STK3: variants seen among roughly 807,000 people sequenced by gnomAD.
STK3 encodes serine/threonine kinase 3.
A neutral mutation model predicts 58.0 loss-of-function variants in STK3; 41 were observed. The ratio of observed to expected loss-of-function variants is 0.71; its 90% CI spans 0.55 to 0.92. The LOEUF is 0.92. Ranked by LOEUF, STK3 falls within the 40% of genes least tolerant of loss-of-function variation. STK3 has a pLI of 0.00. For synonymous variants in STK3, 170 were observed against 191.0 expected (o/e 0.89, Z 0.91); for missense variants, 479 against 602.7 (o/e 0.79, Z 2.15).
intron 1 of STK3, among the ~76,000 whole-genome samples, chr8:98,806,792 TCAC>T (rs1833908048): frequency 6.6e-6 from 1 of 151,990 alleles, no homozygotes; most frequent in Non-Finnish European, 1.5e-5. Context: ...GAGGAAAGAA[TCAC>T]ACACCAAATG....
chr8:98,506,297 A>C (rs893201728), intron 10 of STK3, among the ~76,000 whole-genome samples: 1 of 152,190 alleles, frequency 6.6e-6, no homozygotes, highest in African/African-American at 2.4e-5. Flanking sequence ...TTCCAGGTAC[A>C]GTCTGTCACG....
chr8:98,893,486 G>GAAAGAGAAAGAAAGAA (rs776247646), intron 1 of STK3, among the ~76,000 whole-genome samples: 14 of 43,008 alleles, frequency 3.3e-4, no homozygotes, highest in Non-Finnish European at 4.3e-4. Context: ...AAGAAAGAAA[G>GAAAGAGAAAGAAAGAA]AGAAAGAAAG....
chr8:98,832,257 T>A (rs11777580), intron 3 of STK3, among the ~76,000 whole-genome samples: 9,282 of 88,680 alleles, frequency 0.1, 394 homozygotes, highest in East Asian at 0.38. Flanking sequence ...AAAAAAAAAA[T>A]ATATATATAT....
At chr8:98,907,736 C>T (rs1011000586) in intron 1 of STK3, among the ~76,000 whole-genome samples, 2 of 152,182 alleles carry the variant, frequency 1.3e-5, no homozygotes, top group Non-Finnish European at 2.9e-5. Flanking sequence ...ATAATGCCTT[C>T]ACATCATTAA....
chr8:98,398,289 A>T (rs1817912816), downstream of STK3, among the ~76,000 whole-genome samples: 1 of 152,134 alleles, frequency 6.6e-6, no homozygotes, highest in Non-Finnish European at 1.5e-5. Flanking sequence ...AAAGCTTTGG[A>T]TGCATCTTAG....
intron 9 of STK3, among the ~76,000 whole-genome samples, chr8:98,537,264 C>T (rs1406722726): frequency 2.0e-5 from 3 of 152,076 alleles, no homozygotes; most frequent in Non-Finnish European, 4.4e-5. Context: ...TTTAGAGTAT[C>T]TCTTTGTCAT....
intron 3 of STK3, among the ~76,000 whole-genome samples, chr8:98,417,863 C>T (rs532177625): frequency 1.3e-5 from 2 of 152,172 alleles, no homozygotes; most frequent in Non-Finnish European, 2.9e-5. Flanking sequence ...CATTCTCCTT[C>T]CAGAACGCCT....
chr8:98,754,886 G>A (rs1039311974), intron 3 of STK3, among the ~76,000 whole-genome samples: 2 of 152,074 alleles, frequency 1.3e-5, no homozygotes, highest in Non-Finnish European at 2.9e-5. Context: ...TGACGATTAT[G>A]TTCACTGAAA....
At chr8:98,739,508 A>G (rs1828983868) in intron 4 of STK3, among the ~76,000 whole-genome samples, 1 of 149,058 alleles carries the variant, frequency 6.7e-6, no homozygotes, top group South Asian at 2.1e-4. Flanking sequence ...CCTCTAGCAA[A>G]CTCCAACACA....
chr8:98,571,779 C>T (rs1812989529), intron 8 of STK3, among the ~76,000 whole-genome samples: 1 of 152,166 alleles, frequency 6.6e-6, no homozygotes, highest in Non-Finnish European at 1.5e-5. Flanking sequence ...TTCATTCAAG[C>T]TTAACATCAA....
upstream of STK3, among the ~76,000 whole-genome samples, chr8:98,829,835 T>C (rs1835460305): frequency 6.6e-6 from 1 of 152,142 alleles, no homozygotes; most frequent in Non-Finnish European, 1.5e-5. Context: ...ACATTCTGGT[T>C]GGGGAAACAT....
chr8:98,426,967 CGCGCCCCGCGCAGGGCGG>C (rs1251641054), intron 3 of STK3: 3 of 150,812 alleles, frequency 2.0e-5, no homozygotes, highest in African/African-American at 7.3e-5. Context: ...ACCACCGCGC[CGCGCCCCGCGCAGGGCGG>C]GCGCCCCGTC....
intron 7 of STK3, among the ~76,000 whole-genome samples, chr8:98,589,820 G>T (rs925445004): frequency 1.3e-5 from 2 of 152,144 alleles, no homozygotes; most frequent in African/African-American, 4.8e-5. Context: ...TTTTAAGCCC[G>T]TCGGAAAAGT....
intron 1 of STK3, among the ~76,000 whole-genome samples, chr8:98,918,085 C>T (rs1839409126): frequency 6.6e-6 from 1 of 152,230 alleles, no homozygotes; most frequent in African/African-American, 2.4e-5. Flanking sequence ...GTGCCTACTT[C>T]ATAGGCTGAG....
chr8:98,710,590 G>C (rs1378301906), intron 4 of STK3, among the ~76,000 whole-genome samples: 1 of 152,228 alleles, frequency 6.6e-6, no homozygotes, highest in Non-Finnish European at 1.5e-5. Flanking sequence ...AGCGAGGCTG[G>C]GGGAGGGGCG....
At chr8:98,466,574 C>A (rs917960105) in intron 10 of STK3, among the ~76,000 whole-genome samples, 1 of 152,172 alleles carries the variant, frequency 6.6e-6, no homozygotes, top group East Asian at 1.9e-4. Context: ...CCGTCTCTTT[C>A]TAAGGTCTGG....
chr8:98,622,926 T>C (rs1818433627), intron 6 of STK3, among the ~76,000 whole-genome samples: 1 of 152,154 alleles, frequency 6.6e-6, no homozygotes, highest in Non-Finnish European at 1.5e-5. Context: ...CTAATATGCA[T>C]AATAGAACAC....
chr8:98,591,571 C>T (rs1040577163), intron 7 of STK3, among the ~76,000 whole-genome samples: 1 of 152,070 alleles, frequency 6.6e-6, no homozygotes, highest in African/African-American at 2.4e-5. Context: ...CTTCATGTAC[C>T]CTTTTAACTT....
intron 1 of STK3, among the ~76,000 whole-genome samples, chr8:98,783,613 GT>G (rs945017934): frequency 4.6e-5 from 7 of 152,220 alleles, no homozygotes; most frequent in Middle Eastern, 3.4e-3. Flanking sequence ...CAACAATGAA[GT>G]TTGCCACATC....
Sources: allele counts gnomAD v4.1 joint callset (sites outside exome capture counted in the v4.1 genomes callset), GRCh38; gene constraint gnomAD v4.1.1; transcripts MANE v1.5; gene names NCBI Gene and HGNC (gene_info 2026-07-23, HGNC 2026-07-21).